Variants in ACSL4 observed in about 807,000 individuals in gnomAD.
ACSL4 encodes long-chain-fatty-acid--CoA ligase 4.
In ACSL4, 9 loss-of-function variants were observed where a neutral mutation model predicts 49.1. The ratio of observed to expected loss-of-function variants is 0.18; its 90% CI spans 0.11 to 0.32. The LOEUF (loss-of-function observed/expected upper bound fraction) is 0.32. Ranked by LOEUF, ACSL4 falls within the 10% of genes least tolerant of loss-of-function variation. The pLI, the probability that ACSL4 is intolerant of heterozygous loss-of-function variation, is 1.00. For missense variants in ACSL4, 333 were observed against 493.7 expected, an observed-to-expected ratio of 0.67 and a Z score of 3.08; for synonymous variants, 191 against 170.3, an observed-to-expected ratio of 1.12 and a Z score of -0.95.
At chrX:109,656,561 C>T (rs7888546) in intron 15 of ACSL4, among the ~76,000 whole-genome samples, 3,739 of 110,048 alleles carry the variant, frequency 0.034, 190 homozygotes, top group African/African-American at 0.12. Context: ...GAAGGAGCAA[C>T]ATAACCATTT....
At chrX:109,675,367 C>A (rs970976562) in intron 8 of ACSL4, among the ~76,000 whole-genome samples, 1 of 112,580 alleles carries the variant, frequency 8.9e-6, no homozygotes, top group Non-Finnish European at 1.9e-5. Flanking sequence ...CTGGTTATGA[C>A]AATATTGCTA....
Position 109,683,331 on chromosome X carries a change from T to C in ACSL4, c.33A>G (p.Ser11=). MAKRIKAKPT[S]DKPGSPYRSV... Reference sequence around the variant, plus strand: ...AGCGATATGGACTTCCAGGTTTGTCTGAAGTGGGCTTAGCTTTTATTCTCT... The same window carrying C: ...AGCGATATGGACTTCCAGGTTTGTCCGAAGTGGGCTTAGCTTTTATTCTCT... The change falls in exon 3 of 16, where the codon TCA becomes TCG. Residue 11 remains serine (S), a synonymous_variant. Transcript: ENST00000672401. The C allele has an allele frequency of 1.7e-6, 2 of 1,212,064 alleles. No homozygotes were observed. Among genetic ancestry groups the C allele is most frequent in the East Asian group, 5.9e-5 (2 of 33,858 alleles).
intron 8 of ACSL4, 150 bp from the exon 9 acceptor site, chrX:109,674,623 G>C (rs979449450): frequency 1.1e-5 from 5 of 468,857 alleles, no homozygotes; most frequent in Non-Finnish European, 1.5e-5. Flanking sequence ...TAACCTACAA[G>C]TCTCAAATGT....
intron 4 of ACSL4, among the ~76,000 whole-genome samples, chrX:109,681,834 G>A (rs1250542521): frequency 2.7e-5 from 3 of 112,012 alleles, no homozygotes; most frequent in African/African-American, 9.7e-5. Flanking sequence ...CTCCTTCTAA[G>A]AAGCTGTTTT....
At chrX:109,701,920 A>C (rs1208563223) in intron 1 of ACSL4, among the ~76,000 whole-genome samples, 1 of 102,104 alleles carries the variant, frequency 9.8e-6, no homozygotes, top group African/African-American at 3.5e-5. Flanking sequence ...AAAAAAAAAA[A>C]AAAACTGGGC....
chrX:109,647,041 A>C (rs1016834245), intron 15 of ACSL4, among the ~76,000 whole-genome samples: 3 of 111,387 alleles, frequency 2.7e-5, no homozygotes, highest in African/African-American at 9.8e-5. Context: ...GAGTGACCTA[A>C]AAAGAGACTT....
chrX:109,648,850 C>T (rs868085806), intron 15 of ACSL4, among the ~76,000 whole-genome samples: 16 of 98,218 alleles, frequency 1.6e-4, no homozygotes, highest in Admixed American at 2.3e-4. Flanking sequence ...AATCAATGTA[C>T]AAAAATCACA....
intron 1 of ACSL4, among the ~76,000 whole-genome samples, chrX:109,705,686 C>G (rs1926299563): frequency 1.8e-5 from 2 of 110,737 alleles, no homozygotes; most frequent in African/African-American, 6.6e-5. Flanking sequence ...CCAAGGAAAG[C>G]TTTTTTAAAT....
chrX:109,699,512 T>C (rs1925707624), intron 1 of ACSL4, among the ~76,000 whole-genome samples: 1 of 112,208 alleles, frequency 8.9e-6, no homozygotes, highest in African/African-American at 3.2e-5. Flanking sequence ...TAATAGTAGA[T>C]TAAAACTGCC....
intron 15 of ACSL4, among the ~76,000 whole-genome samples, chrX:109,653,518 C>T (rs984596525): frequency 1.8e-5 from 2 of 111,199 alleles, no homozygotes; most frequent in Non-Finnish European, 3.8e-5. Flanking sequence ...ATGTTTATTG[C>T]GGCACTATTC....
intron 1 of ACSL4, among the ~76,000 whole-genome samples, chrX:109,714,628 C>A (rs1488860816): frequency 1.8e-5 from 2 of 111,099 alleles, no homozygotes; most frequent in Admixed American, 9.6e-5. Flanking sequence ...TTTTACAGTA[C>A]CTTTTCTATG....
rs369019927 is a variant in ACSL4, at chrX:109,642,238, T to A, written c.*1791A>T. On this transcript the variant is annotated 3_prime_UTR_variant, in exon 16 of 16. Coordinates refer to ENST00000672401, the MANE Select transcript of ACSL4 (RefSeq NM_001318510.2). ...GAAAAAAAATCACATATTGGAAAAGTCTAAGAAACTCATTCTTAAGGGATA... is the reference window on the plus strand; with the variant it reads ...GAAAAAAAATCACATATTGGAAAAGACTAAGAAACTCATTCTTAAGGGATA... The A allele has an allele frequency of 9.0e-6, 1 of 111,351 alleles. No individual in the cohort carries two copies. The highest frequency in any genetic ancestry group is 1.9e-5 in the Non-Finnish European group (1 of 52,931). The allele number at this position is 111,351 out of a possible 1,213,427, so 9.2% of individuals were successfully genotyped here.
At chrX:109,728,488 G>A (rs1029185573) in intron 1 of ACSL4, among the ~76,000 whole-genome samples, 7 of 112,448 alleles carry the variant, frequency 6.2e-5, no homozygotes, top group East Asian at 2.8e-4. Flanking sequence ...CATATCATGC[G>A]TCTATTTAAT....
At chrX:109,696,749 T>C (rs938692192) in intron 1 of ACSL4, among the ~76,000 whole-genome samples, 1 of 113,138 alleles carries the variant, frequency 8.8e-6, no homozygotes, top group Non-Finnish European at 1.9e-5. Flanking sequence ...TTTCAAGATA[T>C]ACACCAAAAG....
chrX:109,683,611 A>C (rs950342723), intron 2 of ACSL4: 2 of 519,934 alleles, frequency 3.8e-6, no homozygotes, highest in Non-Finnish European at 6.5e-6. Context: ...AGGCAGTTCA[A>C]TCTTAGTGAT....
chrX:109,664,175 CTG>C (rs1327346157), intron 12 of ACSL4, among the ~76,000 whole-genome samples: 2 of 110,719 alleles, frequency 1.8e-5, no homozygotes, highest in African/African-American at 6.6e-5. Flanking sequence ...TAAAAAAAAA[CTG>C]AGATCATTCA....
intron 1 of ACSL4, among the ~76,000 whole-genome samples, chrX:109,722,645 T>C (rs958872053): frequency 9.0e-6 from 1 of 111,441 alleles, no homozygotes; most frequent in Non-Finnish European, 1.9e-5. Flanking sequence ...GACTCAACAT[T>C]AAAGACTTTA....
At chrX:109,683,018 A>T in intron 3 of ACSL4, 118 bp downstream of exon 3, 1 of 1,023,547 alleles carries the variant, frequency 9.8e-7, no homozygotes, top group Admixed American at 2.5e-5. Flanking sequence ...GCGGCTTCTG[A>T]GTAGTTTTAC....
intron 15 of ACSL4, among the ~76,000 whole-genome samples, chrX:109,658,838 G>A (rs1406786648): frequency 9.0e-6 from 1 of 111,685 alleles, no homozygotes; most frequent in Non-Finnish European, 1.9e-5. Context: ...CCTCTCACCT[G>A]ATAATGAACT....
Sources: gnomAD v4.1 joint callset for allele counts (sites outside exome capture counted in the v4.1 genomes callset) on GRCh38, gnomAD v4.1.1 for gene constraint, MANE v1.5 for transcripts, NCBI Gene and HGNC (gene_info 2026-07-23, HGNC 2026-07-21) for gene names.